PREPL: variants seen among roughly 807,000 people sequenced by gnomAD.
The protein encoded by PREPL is prolyl endopeptidase-like.
PREPL carries 77 observed loss-of-function variants against 70.6 expected under a neutral mutation model. The observed-to-expected ratio is 1.09, with a 90% CI of 0.91 to 1.32. PREPL has a LOEUF of 1.32. Among genes scored for constraint, PREPL ranks in the 40% most tolerant of loss-of-function variants. The probability of loss-of-function intolerance (pLI) is 0.00; values close to 1 mark genes in which losing one functional copy is unlikely to be tolerated. For missense variants in PREPL, 1,002 were observed against 778.2 expected (o/e 1.29, Z -3.42); for synonymous variants, 315 against 264.8 (o/e 1.19, Z -1.84).
At chr2:44,346,514 G>C in intron 1 of PREPL, 124 bp from the exon 2 acceptor site, 1 of 855,542 alleles carries the variant, frequency 1.2e-6, no homozygotes. Flanking sequence ...AGATTAAATA[G>C]TAGGTATTTC....
intron 2 of PREPL, among the ~76,000 whole-genome samples, chr2:44,345,412 T>G (rs1572899615): frequency 6.6e-6 from 1 of 152,012 alleles, no homozygotes; most frequent in Non-Finnish European, 1.5e-5. Context: ...AGTGCAGTGG[T>G]GCAATCTTGG....
At position 44,321,396 on chromosome 2, in the gene PREPL, G is replaced by C. The variant is rs781553608; in HGVS notation, c.1877C>G (p.Thr626Ser). 1 of 1,612,766 alleles carries C rather than the reference G, an allele frequency of 6.2e-7. No individual in the cohort carries two copies. The highest frequency in any genetic ancestry group is 8.5e-7 in the Non-Finnish European group (1 of 1,179,046). Residue 626 changes from threonine to serine, a missense_variant, in exon 14 of 14, where the codon ACC becomes AGC. Physicochemically the swap from Thr to Ser is moderately conservative, Grantham distance 58. Transcript: ENST00000409411. ...FLYEELGLDS[T>S]SVFEDLKKYL... ...TTTCTTAAGATCCTCGAAAACACTGGTGCTGTCAAGTCCAAGTTCCTCGTA... is the reference window on the plus strand; with the variant it reads ...TTTCTTAAGATCCTCGAAAACACTGCTGCTGTCAAGTCCAAGTTCCTCGTA...
rs374029150 is a variant in PREPL, at chr2:44,332,451, A to C, written c.1086+8T>G. 38 of 1,606,334 alleles carry C rather than the reference A, an allele frequency of 2.4e-5. No individual in the cohort carries two copies. In the African/African-American group the frequency reaches 4.8e-4, roughly 20 times the overall value. On this transcript the variant is annotated splice_region_variant and intron_variant, in intron 8 of 13. Transcript: ENST00000409411. ...ATGGGAGCTGAAAGTGAAGATTATA[A>C]GACCTACCTTGCTTTTGGCTTCTAG...
chr2:44,351,242 G>C (rs1453336557), intron 1 of PREPL, among the ~76,000 whole-genome samples: 2 of 151,896 alleles, frequency 1.3e-5, no homozygotes, highest in East Asian at 3.9e-4. Flanking sequence ...GCATCTCCCT[G>C]GCTTTTTAAC....
chr2:44,343,677 CA>C, intron 4 of PREPL, 67 bp downstream of exon 4: 7 of 1,456,026 alleles, frequency 4.8e-6, no homozygotes, highest in African/African-American at 1.4e-5. Flanking sequence ...TCACATGCGA[CA>C]AAAAAATGTT....
At chr2:44,322,691 TC>T in intron 12 of PREPL, 39 bp downstream of exon 12, 1 of 1,598,942 alleles carries the variant, frequency 6.3e-7, no homozygotes, top group South Asian at 1.1e-5. Flanking sequence ...TGGGTAGTAG[TC>T]TGTTTGGCCA....
At chr2:44,324,023 A>C (rs577688761) in intron 10 of PREPL, among the ~76,000 whole-genome samples, 2 of 152,384 alleles carry the variant, frequency 1.3e-5, no homozygotes, top group Admixed American at 6.5e-5. Flanking sequence ...AAGCAACTCA[A>C]GTGTCCATTA....
intron 1 of PREPL, chr2:44,359,477 T>TCCATACTTAACCA (rs1439094773): frequency 6.5e-7 from 1 of 1,530,924 alleles, no homozygotes; most frequent in Admixed American, 1.8e-5. Context: ...TACAAATAGG[T>TCCATACTTAACCA]TAACTTAAAC....
chr2:44,360,431 T>C (rs1184241799), intron 1 of PREPL: 1 of 152,176 alleles, frequency 6.6e-6, no homozygotes, highest in Non-Finnish European at 1.5e-5. Flanking sequence ...TCCAATTTGG[T>C]TCGGTTCCAA....
intron 1 of PREPL, among the ~76,000 whole-genome samples, chr2:44,352,754 A>G (rs561543840): frequency 5.3e-5 from 8 of 152,360 alleles, no homozygotes; most frequent in Non-Finnish European, 8.8e-5. Context: ...AAAAAAACAT[A>G]TTTAACAAAA....
intron 1 of PREPL, chr2:44,359,916 G>C (rs1158075013): frequency 1.9e-6 from 1 of 532,676 alleles, no homozygotes; most frequent in Non-Finnish European, 3.3e-6. Context: ...AAAAACCTGT[G>C]TAAGTTAAAG....
At chr2:44,342,288 G>T in intron 5 of PREPL, 129 bp downstream of exon 5, 1 of 790,264 alleles carries the variant, frequency 1.3e-6, no homozygotes, top group Non-Finnish European at 1.9e-6. Flanking sequence ...ACTAATAAAA[G>T]AATGATCGTT....
chr2:44,349,863 A>T (rs2104087183), intron 1 of PREPL, among the ~76,000 whole-genome samples: 1 of 152,342 alleles, frequency 6.6e-6, no homozygotes, highest in South Asian at 2.1e-4. Flanking sequence ...TGAAATGGGT[A>T]ATTTTCCAGG....
chr2:44,321,812 G>A lies in PREPL; in HGVS notation c.1827+15C>T, dbSNP rs376714746. 77 of 1,613,694 alleles carry A rather than the reference G, an allele frequency of 4.8e-5. No individual in the cohort carries two copies. The East Asian group carries it at 7.4e-4, about 15-fold the overall frequency. On this transcript the variant is annotated intron_variant, in intron 13 of 13. Transcript: ENST00000409411. ...GTTCGGGAATCTGTCCACTGAGAGG[G>A]CCTTGATAACATACCTTTTTGTGAG...
chr2:44,346,789 T>C, intron 1 of PREPL, among the ~76,000 whole-genome samples: 1 of 152,158 alleles, frequency 6.6e-6, no homozygotes, highest in Admixed American at 6.5e-5. Context: ...CTTTCGCGTT[T>C]AGGAAGTACT....
rs1039831088 is a variant in PREPL, at chr2:44,319,975, C to G, written c.*1381G>C. 1.8e-6 allele frequency: 1 copy of G among 540,708 alleles called. No individual in the cohort carries two copies. The highest frequency in any genetic ancestry group is 3.1e-5 in the Admixed American group (1 of 31,920). The allele number at this position is 540,708 out of a possible 1,614,324, so 33.5% of individuals were successfully genotyped here. On this transcript the variant is annotated 3_prime_UTR_variant, in exon 14 of 14. Coordinates refer to ENST00000409411, the MANE Select transcript of PREPL (RefSeq NM_001171613.2). ...CTCTACAATGTAGCAGAGCACTGTGCGTACTTATTGACTCCCAGACAAGCC... is the reference window on the plus strand; with the variant it reads ...CTCTACAATGTAGCAGAGCACTGTGGGTACTTATTGACTCCCAGACAAGCC...
chr2:44,320,579 C>A lies in PREPL; in HGVS notation c.*777G>T. On this transcript the variant is annotated 3_prime_UTR_variant, in exon 14 of 14. Transcript: ENST00000409411. ...GCCAAACAGCTTTCAGAGATAGATG[C>A]TTTGTTTCCAATCGAGCATGCTATT... 6.2e-7 allele frequency: 1 copy of A among 1,614,048 alleles called. No individual in the cohort carries two copies. Among genetic ancestry groups the A allele is most frequent in the Non-Finnish European group, 8.5e-7 (1 of 1,179,940 alleles).
intron 5 of PREPL, among the ~76,000 whole-genome samples, chr2:44,341,612 A>G (rs1278143408): frequency 6.6e-6 from 1 of 152,092 alleles, no homozygotes; most frequent in African/African-American, 2.4e-5. Context: ...AAATGTGTCT[A>G]AGAGAATATA....
At chr2:44,352,612 G>A (rs1260856259) in intron 1 of PREPL, among the ~76,000 whole-genome samples, 3 of 152,092 alleles carry the variant, frequency 2.0e-5, no homozygotes, top group African/African-American at 7.2e-5. Context: ...AGGATGGTAA[G>A]CTTCACAAAG....
Sources: allele counts gnomAD v4.1 joint callset (sites outside exome capture counted in the v4.1 genomes callset), GRCh38; gene constraint gnomAD v4.1.1; transcripts MANE v1.5; gene names NCBI Gene and HGNC (gene_info 2026-07-23, HGNC 2026-07-21).